Variants in CHAT observed in about 807,000 individuals in gnomAD.
CHAT encodes the protein acetyl CoA:choline O-acetyltransferase.
Under a neutral mutation model 76.9 loss-of-function variants are expected in CHAT, and 61 were observed. The ratio of observed to expected loss-of-function variants is 0.79; its 90% confidence interval spans 0.65 to 0.98. The LOEUF (loss-of-function observed/expected upper bound fraction) is 0.98. CHAT is among the 50% of genes least tolerant of loss of function. The pLI is 0.00. For synonymous variants in CHAT, 407 were observed against 397.4 expected (o/e 1.02, Z -0.29); for missense variants, 946 against 986.9 (o/e 0.96, Z 0.56).
At chr10:49,610,951 C>A, upstream of CHAT, 1 of 1,610,696 alleles carries the variant, frequency 6.2e-7, no homozygotes, top group South Asian at 1.1e-5. Flanking sequence ...CGGCGAGGGC[C>A]CCACCCGGAC....
At chr10:49,652,970 C>T (rs1839927261) in intron 11 of CHAT, among the ~76,000 whole-genome samples, 1 of 152,198 alleles carries the variant, frequency 6.6e-6, no homozygotes, top group South Asian at 2.1e-4. Context: ...CACCCATTCT[C>T]TGTCATACCA....
Position 49,622,097 on chromosome 10 carries a change from GT to G in CHAT, c.702del (p.Phe234LeufsTer37). On this transcript the variant is annotated frameshift_variant and splice_region_variant, in exon 5 of 15. Transcript: ENST00000337653. LOFTEE classifies it high-confidence loss of function. ...GCTCAGGCCTCCCTTCTCCCTGCAG[GT>G]TTGCAGCCAGCCTCATCTCTGGTGT... ...HFPGTDDQLR[F>X]AASLISGVLS... 3.4e-6 allele frequency: 4 copies of G among 1,179,978 alleles called. No individual in the cohort carries two copies. Among genetic ancestry groups the G allele is most frequent in the Non-Finnish European group, 4.3e-6 (4 of 940,096 alleles). 73.1% of individuals were successfully genotyped at this position (1,179,978 alleles called of 1,614,324 possible). A position where few individuals can be genotyped will look rare whatever the true frequency, so the allele number is the denominator to read the frequency against.
At chr10:49,648,147 T>A (rs776273717) in intron 8 of CHAT, 18 of 359,384 alleles carry the variant, frequency 5.0e-5, no homozygotes, top group Non-Finnish European at 9.4e-5. Flanking sequence ...GAGACCCCGA[T>A]GTGAGCTATG....
intron 2 of CHAT, among the ~76,000 whole-genome samples, chr10:49,617,609 A>G (rs568414369): frequency 1.3e-5 from 2 of 152,294 alleles, no homozygotes; most frequent in African/African-American, 4.8e-5. Context: ...GTCACAGCGC[A>G]CTGTCAGAGC....
chr10:49,615,978 C>A, intron 1 of CHAT: 2 of 1,526,762 alleles, frequency 1.3e-6, no homozygotes, highest in Non-Finnish European at 1.8e-6. Flanking sequence ...GCCTTAAAGG[C>A]CTCCATTCAC....
upstream of CHAT, among the ~76,000 whole-genome samples, chr10:49,609,838 T>G (rs1184327275): frequency 6.6e-6 from 1 of 152,092 alleles, no homozygotes; most frequent in Non-Finnish European, 1.5e-5. Context: ...CGAGAACAGA[T>G]GGACGCAGCG....
chr10:49,611,820 C>A, upstream of CHAT: 1 of 1,603,718 alleles, frequency 6.2e-7, no homozygotes, highest in Non-Finnish European at 8.5e-7. Context: ...GGCTGTACGG[C>A]GCGCTTGGGC....
intron 13 of CHAT, among the ~76,000 whole-genome samples, chr10:49,659,799 T>C (rs1270704385): frequency 6.6e-6 from 1 of 151,712 alleles, no homozygotes. Flanking sequence ...GGGGTGGAAG[T>C]TGCAGTCAGC....
upstream of CHAT, chr10:49,611,906 G>A: frequency 1.2e-6 from 2 of 1,610,820 alleles, no homozygotes; most frequent in Non-Finnish European, 1.7e-6. Context: ...TCACTATGCG[G>A]CCTCTGTTTT....
At chr10:49,656,802 G>T (rs1483808745) in intron 13 of CHAT, among the ~76,000 whole-genome samples, 2 of 152,164 alleles carry the variant, frequency 1.3e-5, no homozygotes, top group Non-Finnish European at 2.9e-5. Flanking sequence ...AGAGTTGCTG[G>T]TTAAGAACCT....
rs1383812712 is a variant in CHAT at position 49,655,224 on chromosome 10, G to A, written c.1764G>A (p.Lys588=). ...LAFVRAVTDH[K]AAVPASEKLL... ...TTGTGAGAGCCGTGACTGACCACAA[G>A]GCTGCTGTGCCAGTAAGTCCCGCCC... is the stretch of plus-strand genomic sequence containing the variant. The change falls in exon 12 of 15, where the codon AAG becomes AAA. Residue 588 remains lysine, a synonymous_variant. Transcript: ENST00000337653. The A allele has an allele frequency of 6.2e-7, 1 of 1,614,056 alleles. No individual in the cohort carries two copies. The highest frequency in any genetic ancestry group is 8.5e-7 in the Non-Finnish European group (1 of 1,180,046).
chr10:49,630,479 C>T (rs1044672413), intron 7 of CHAT, among the ~76,000 whole-genome samples: 1 of 152,126 alleles, frequency 6.6e-6, no homozygotes, highest in Non-Finnish European at 1.5e-5. Context: ...AGAACAAATG[C>T]TTGCACACTG....
In CHAT at chr10:49,614,414, C is replaced by A. The variant is rs916402621; in HGVS notation, c.225C>A (p.Pro75=). ...CCCCACCCCTTCCGGCTCACACCCCCGCCCACACTCCTGAGTGGTGCGGTG... is the reference window on the plus strand; with the variant it reads ...CCCCACCCCTTCCGGCTCACACCCCAGCCCACACTCCTGAGTGGTGCGGTG... ...TRPPPLPAHT[P]AHTPEWCGAA... Residue 75 remains proline (P), a synonymous_variant, in exon 1 of 15, where the codon CCC becomes CCA. Transcript: ENST00000337653. The A allele has an allele frequency of 1.3e-6, 2 of 1,547,374 alleles. No individual in the cohort carries two copies. Among genetic ancestry groups the A allele is most frequent in the African/African-American group, 2.7e-5 (2 of 73,106 alleles).
In CHAT at chr10:49,665,888, C is replaced by T. The variant is rs1415385164; in HGVS notation, c.*842C>T. ...AGAGGACCTGGCCCCTTCCCGGGGT[C>T]CTGCCATTTGCATTTTTTCTGCATC... On this transcript the variant is annotated 3_prime_UTR_variant, in exon 15 of 15. Coordinates refer to ENST00000337653, the MANE Select transcript of CHAT (RefSeq NM_020549.5). 6.6e-6 allele frequency among the ~76,000 whole-genome samples: 1 copy of T among 152,156 alleles called. No individual in the cohort carries two copies. The highest frequency in any genetic ancestry group is 1.5e-5 in the Non-Finnish European group (1 of 68,034).
chr10:49,626,423 C>T (rs1838924439), intron 6 of CHAT, among the ~76,000 whole-genome samples: 1 of 152,180 alleles, frequency 6.6e-6, no homozygotes, highest in African/African-American at 2.4e-5. Flanking sequence ...TGGCAACCAT[C>T]CCAGGGACTC....
chr10:49,654,335 G>A (rs1839968440), intron 11 of CHAT, among the ~76,000 whole-genome samples: 1 of 152,250 alleles, frequency 6.6e-6, no homozygotes, highest in Non-Finnish European at 1.5e-5. Context: ...CTGAGATGTG[G>A]GGCCACGACT....
chr10:49,646,355 G>A, intron 7 of CHAT, 150 bp from the exon 8 acceptor site: 1 of 963,374 alleles, frequency 1.0e-6, no homozygotes, highest in Admixed American at 1.8e-5. Context: ...CACCCACAGT[G>A]GGGCAAGGTG....
upstream of CHAT, among the ~76,000 whole-genome samples, chr10:49,609,896 C>G (rs992253904): frequency 6.6e-6 from 1 of 151,962 alleles, no homozygotes; most frequent in East Asian, 1.9e-4. Context: ...GAGGTCCAGG[C>G]TGAAGCGGAG....
intron 13 of CHAT, among the ~76,000 whole-genome samples, chr10:49,657,367 C>A (rs1840067215): frequency 6.6e-6 from 1 of 152,142 alleles, no homozygotes. Flanking sequence ...CTGAAGGTCC[C>A]ACCTTCTAAT....
Sources: allele counts gnomAD v4.1 joint callset (sites outside exome capture counted in the v4.1 genomes callset), GRCh38; gene constraint gnomAD v4.1.1; transcripts MANE v1.5; gene names NCBI Gene and HGNC (gene_info 2026-07-23, HGNC 2026-07-21).